The following S100A10 variants were observed in gnomAD, a reference collection of about 807,000 sequenced individuals.
The protein encoded by S100A10 is protein S100-A10.
A neutral mutation model predicts 7.1 loss-of-function variants in S100A10; 3 were observed. That is an observed-to-expected ratio of 0.42 (90% confidence interval 0.19 to 1.10). The LOEUF is 1.10. Ranked by LOEUF, S100A10 falls within the 50% of genes least tolerant of loss-of-function variation. The pLI is 0.29. For synonymous variants in S100A10, 41 were observed against 39.3 expected, an observed-to-expected ratio of 1.04 and a Z score of -0.16; for missense variants, 101 against 118.1, an observed-to-expected ratio of 0.86 and a Z score of 0.67.
At chr1:151,992,416 C>A (rs1454850138) in intron 1 of S100A10, 1 of 152,168 alleles carries the variant, frequency 6.6e-6, no homozygotes, top group African/African-American at 2.4e-5. Flanking sequence ...TGGCCGATAA[C>A]GAAAAGCGGT....
intron 1 of S100A10, chr1:151,992,669 A>G: frequency 6.6e-6 from 1 of 151,924 alleles, no homozygotes; most frequent in Non-Finnish European, 1.5e-5. Flanking sequence ...CCACTGGGAG[A>G]ATCCTGGAGC....
At chr1:151,992,041 A>G (rs1376913309) in intron 1 of S100A10, among the ~76,000 whole-genome samples, 1 of 152,242 alleles carries the variant, frequency 6.6e-6, no homozygotes, top group African/African-American at 2.4e-5. Context: ...CAAGGGCCAC[A>G]GTGAAGAAAC....
chr1:151,989,391 C>T (rs994379002), intron 1 of S100A10, among the ~76,000 whole-genome samples: 2 of 152,172 alleles, frequency 1.3e-5, no homozygotes, highest in Non-Finnish European at 2.9e-5. Context: ...AGCTGACTCC[C>T]TGTGTGTCCA....
intron 1 of S100A10, among the ~76,000 whole-genome samples, chr1:151,990,493 G>C (rs1333952592): frequency 2.0e-5 from 3 of 152,168 alleles, no homozygotes; most frequent in African/African-American, 7.2e-5. Context: ...ATGTTTGTCT[G>C]AGCAACAGGT....
rs774446254 is a variant in S100A10 at position 151,983,336 on chromosome 1, A to G, written c.133-12T>C. The G allele has an allele frequency of 1.2e-5, 18 of 1,521,650 alleles. No individual in the cohort carries two copies. Among genetic ancestry groups the G allele is most frequent in the African/African-American group, 7.0e-5 (5 of 71,324 alleles). The allele number at this position is 1,521,650 out of a possible 1,614,324, so 94.3% of individuals were successfully genotyped here. On this transcript the variant is annotated splice_polypyrimidine_tract_variant and intron_variant, in intron 2 of 2. Transcript: ENST00000368811. The stretch of plus-strand genomic sequence containing the variant: ...GGGTCTTTTTGATTCTGAAAAAAAA[A>G]AGAACAAAGGCAAGAAATAGAAGTC...
In S100A10 at chr1:151,993,739, G is replaced by T; in HGVS notation, c.-22+13C>A. 1 of 153,864 alleles carries T rather than the reference G, an allele frequency of 6.5e-6. No individual in the cohort carries two copies. Among genetic ancestry groups the T allele is most frequent in the South Asian group, 1.9e-4 (1 of 5,206 alleles). The allele number at this position is 153,864 out of a possible 1,614,324, so 9.5% of individuals were successfully genotyped here. A position where few individuals can be genotyped will look rare whatever the true frequency, so the allele number is the denominator to read the frequency against. ...ACTACCCAGGAGGGGCGCGTGGGCC[G>T]GGCGGAGCTCACCTTGGCCGAGGCG... On this transcript the variant is annotated intron_variant, in intron 1 of 2. Transcript: ENST00000368811. The surrounding 1 kb of genome is among the most constrained non-coding windows in gnomAD (Gnocchi z 5.1).
intron 2 of S100A10, chr1:151,984,039 T>A (rs1655746339): frequency 6.6e-6 from 1 of 152,172 alleles, no homozygotes; most frequent in Non-Finnish European, 1.5e-5. Context: ...GGAACAGAGA[T>A]GGGCAGGCAA....
In S100A10 at chr1:151,982,984, A is replaced by G; in HGVS notation, c.*179T>C. The G allele has an allele frequency of 2.2e-6, 1 of 462,658 alleles. No homozygotes were observed. 28.7% of individuals were successfully genotyped at this position (462,658 alleles called of 1,614,324 possible). ...CAAACAATACAAAAATCAAAAGCTT[A>G]TCTGGTATTTAACTTTTCTTTCTCT... On this transcript the variant is annotated 3_prime_UTR_variant, in exon 3 of 3. Transcript: ENST00000368811.
chr1:151,987,872 A>G (rs1655828582), intron 1 of S100A10, among the ~76,000 whole-genome samples: 1 of 152,232 alleles, frequency 6.6e-6, no homozygotes, highest in Admixed American at 6.5e-5. Context: ...ATTTACTGCA[A>G]TAAAGACAGT....
intron 1 of S100A10, among the ~76,000 whole-genome samples, chr1:151,990,499 C>G (rs1655882392): frequency 6.6e-6 from 1 of 152,210 alleles, no homozygotes; most frequent in Non-Finnish European, 1.5e-5. Context: ...GTCTGAGCAA[C>G]AGGTCTTAAG....
intron 2 of S100A10, 97 bp from the exon 3 acceptor site, chr1:151,983,421 C>T: frequency 1.5e-6 from 1 of 649,450 alleles, no homozygotes; most frequent in Non-Finnish European, 2.3e-6. Context: ...ATATATCTCC[C>T]AATTACTTGA....
At position 151,982,932 on chromosome 1, in the gene S100A10, ACTTT is replaced by A. The variant is rs1655725632; in HGVS notation, c.*227_*230del. 1 of 319,102 alleles carries A rather than the reference ACTTT, an allele frequency of 3.1e-6. No homozygotes were observed. The highest frequency in any genetic ancestry group is 4.8e-5 in the Admixed American group (1 of 20,636). The allele number at this position is 319,102 out of a possible 1,614,324, so 19.8% of individuals were successfully genotyped here. A position where few individuals can be genotyped will look rare whatever the true frequency, so the allele number is the denominator to read the frequency against. On this transcript the variant is annotated 3_prime_UTR_variant, in exon 3 of 3. Transcript: ENST00000368811. ...GTCTCAAATTTGGAACTAAAAAAGA[ACTTT>A]ATTTATTGAGGGCAAGGGGATGCAA...
chr1:151,987,877 G>C (rs182116637), intron 1 of S100A10, among the ~76,000 whole-genome samples: 1 of 152,300 alleles, frequency 6.6e-6, no homozygotes, highest in East Asian at 1.9e-4. Flanking sequence ...CTGCAATAAA[G>C]ACAGTTGCAT....
chr1:151,983,642 T>C (rs1003903419), intron 2 of S100A10, among the ~76,000 whole-genome samples: 10 of 152,222 alleles, frequency 6.6e-5, no homozygotes, highest in African/African-American at 2.4e-4. Flanking sequence ...AAACTCCTTA[T>C]GAAAAGATAT....
chr1:151,990,550 T>C (rs540472588), intron 1 of S100A10, among the ~76,000 whole-genome samples: 2 of 152,358 alleles, frequency 1.3e-5, no homozygotes, highest in South Asian at 2.1e-4. Context: ...GTTTTCTCTA[T>C]GGAAAACAAT....
Position 151,983,300 on chromosome 1 carries a change from C to A in S100A10, c.157G>T (p.Asp53Tyr). ...TGGTCCAGGTCCTTCATTATTTTGT[C>A]CACAGCCAGAGGGTCTTTTTGATTC... ...LENQKDPLAV[D>Y]KIMKDLDQCR... Residue 53 changes from aspartate (D) to tyrosine (Y), a missense_variant, in exon 3 of 3, where the codon GAC (aspartate) becomes TAC (tyrosine). Asp to Tyr is a radical substitution (Grantham distance 160). Coordinates refer to ENST00000368811, the MANE Select transcript of S100A10 (RefSeq NM_002966.3). 1 of 1,561,014 alleles carries A rather than the reference C, an allele frequency of 6.4e-7. No individual in the cohort carries two copies. Among genetic ancestry groups the A allele is most frequent in the East Asian group, 2.3e-5 (1 of 44,046 alleles).
chr1:151,988,639 C>A (rs1012548629), intron 1 of S100A10, among the ~76,000 whole-genome samples: 1 of 152,220 alleles, frequency 6.6e-6, no homozygotes, highest in African/African-American at 2.4e-5. Context: ...AGTTAGTTAT[C>A]TTGGAGAGAG....
chr1:151,983,209 C>G lies in S100A10; in HGVS notation c.248G>C (p.Cys83Ser), dbSNP rs1655731450. Reference protein sequence around the residue: ...FSLIAGLTIACNDYFVVHMKQ... With the variant: ...FSLIAGLTIASNDYFVVHMKQ... Reference sequence around the variant, plus strand: ...CATGTGTACTACAAAATAGTCATTGCATGCAATGGTGAGGCCCGCAATTAG... The same window carrying G: ...CATGTGTACTACAAAATAGTCATTGGATGCAATGGTGAGGCCCGCAATTAG... The change falls in exon 3 of 3, where the codon TGC becomes TCC. Residue 83 changes from cysteine to serine, a missense_variant. Cys to Ser is a moderately radical substitution (Grantham distance 112, BLOSUM62 -1). Transcript: ENST00000368811. 6.2e-7 allele frequency: 1 copy of G among 1,601,770 alleles called. No homozygotes were observed. The highest frequency in any genetic ancestry group is 1.3e-5 in the African/African-American group (1 of 74,084).
chr1:151,986,364 A>G, intron 1 of S100A10, 113 bp from the exon 2 acceptor site: 2 of 754,696 alleles, frequency 2.7e-6, no homozygotes, highest in South Asian at 4.3e-5. Context: ...TAATGTGTAC[A>G]ACATGATGTT....
Sources: gnomAD v4.1 joint callset for allele counts (sites outside exome capture counted in the v4.1 genomes callset) on GRCh38, gnomAD v4.1.1 for gene constraint, Gnocchi (gnomAD v3.1) non-coding constraint, MANE v1.5 for transcripts, NCBI Gene and HGNC (gene_info 2026-07-23, HGNC 2026-07-21) for gene names.